PDE5A: variants seen among roughly 807,000 people sequenced by gnomAD.
PDE5A encodes the protein phosphodiesterase 5A, also known as cGMP-specific 3',5'-cyclic phosphodiesterase.
Under a neutral mutation model 110.2 loss-of-function variants are expected in PDE5A, and 67 were observed. The ratio of observed to expected loss-of-function variants is 0.61; its 90% CI spans 0.50 to 0.75. PDE5A has a LOEUF of 0.75. PDE5A is among the 30% of genes least tolerant of loss of function. The pLI, the probability that PDE5A is intolerant of heterozygous loss-of-function variation, is 0.00. For missense variants in PDE5A, 862 were observed against 1,045.1 expected (o/e 0.82, Z 2.42); for synonymous variants, 328 against 351.2 (o/e 0.93, Z 0.74).
At chr4:119,609,177 A>C (rs534829351) in intron 1 of PDE5A, among the ~76,000 whole-genome samples, 61 of 152,324 alleles carry the variant, frequency 4.0e-4, no homozygotes, top group African/African-American at 1.4e-3. Context: ...AAAAAATAAA[A>C]AAAAATAGGC....
At position 119,525,609 on chromosome 4, in the gene PDE5A, C is replaced by A; in HGVS notation, c.1719G>T (p.Leu573=). 6.2e-7 allele frequency: 1 copy of A among 1,613,258 alleles called. No homozygotes were observed. Among genetic ancestry groups the A allele is most frequent in the Non-Finnish European group, 8.5e-7 (1 of 1,179,484 alleles). The change falls in exon 12 of 21, where the codon CTG becomes CTT. Residue 573 remains leucine (L), a synonymous_variant. Transcript: ENST00000354960. The surrounding 1 kb of genome is among the most constrained non-coding windows in gnomAD (Gnocchi z 4.3). ...GGTCAGTAAACATCCGAATTGTACACAGTGCTGTTTCCAGATCAGACAGCT... is the reference window on the plus strand; with the variant it reads ...GGTCAGTAAACATCCGAATTGTACAAAGTGCTGTTTCCAGATCAGACAGCT... The part of the protein sequence containing the change: ...DFELSDLETA[L]CTIRMFTDLN...
At chr4:119,509,309 A>T (rs1320869539) in intron 15 of PDE5A, among the ~76,000 whole-genome samples, 1 of 152,048 alleles carries the variant, frequency 6.6e-6, no homozygotes, top group Admixed American at 6.6e-5. Context: ...TTAAAGATGG[A>T]CAAAAACAAT....
chr4:119,544,086 T>C (rs1011562364), intron 9 of PDE5A, among the ~76,000 whole-genome samples: 2 of 152,198 alleles, frequency 1.3e-5, no homozygotes, highest in East Asian at 3.8e-4. Context: ...ATGAAGACTA[T>C]AATAGTCTAT....
chr4:119,586,331 A>G (rs1215341478), intron 3 of PDE5A, among the ~76,000 whole-genome samples: 1 of 152,196 alleles, frequency 6.6e-6, no homozygotes, highest in East Asian at 1.9e-4. Context: ...CCATTCTATG[A>G]TCAAAAGCAA....
At chr4:119,625,295 C>G (rs1004566355) in intron 1 of PDE5A, among the ~76,000 whole-genome samples, 4 of 152,158 alleles carry the variant, frequency 2.6e-5, no homozygotes, top group African/African-American at 9.7e-5. Context: ...CCGTGCCAGG[C>G]CCAACCTATA....
At chr4:119,580,536 G>A (rs1728553982) in intron 3 of PDE5A, among the ~76,000 whole-genome samples, 1 of 152,170 alleles carries the variant, frequency 6.6e-6, no homozygotes, top group Non-Finnish European at 1.5e-5. Context: ...CTCATAAGGA[G>A]GAAATGGACA....
chr4:119,620,437 A>G (rs1448400950), intron 1 of PDE5A, among the ~76,000 whole-genome samples: 1 of 152,226 alleles, frequency 6.6e-6, no homozygotes, highest in Non-Finnish European at 1.5e-5. Flanking sequence ...TTTTCTGTAC[A>G]TTCACAACAC....
Position 119,567,150 on chromosome 4 carries a change from A to G in PDE5A, c.832-6T>C, listed in dbSNP as rs760690554. ...GCCTGGGCTACACCAACAACCTGGTATAAGGAGAGAAAAGCGACAATTTTT... is the reference window on the plus strand; with the variant it reads ...GCCTGGGCTACACCAACAACCTGGTGTAAGGAGAGAAAAGCGACAATTTTT... On this transcript the variant is annotated splice_region_variant and splice_polypyrimidine_tract_variant and intron_variant, in intron 3 of 20. Transcript: ENST00000354960. 6.2e-7 allele frequency: 1 copy of G among 1,607,978 alleles called. No homozygotes were observed. Among genetic ancestry groups the G allele is most frequent in the Admixed American group, 1.7e-5 (1 of 59,624 alleles).
intron 3 of PDE5A, among the ~76,000 whole-genome samples, chr4:119,569,231 AGGTCTCACTATGCCCAGGCT>A (rs990729503): frequency 4.0e-4 from 61 of 151,962 alleles, no homozygotes; most frequent in African/African-American, 1.4e-3. Flanking sequence ...TGTAGAGATG[AGGTCTCACTATGCCCAGGCT>A]GGTCTCACTA....
intron 15 of PDE5A, among the ~76,000 whole-genome samples, chr4:119,509,979 G>A (rs1193511416): frequency 6.6e-6 from 1 of 151,984 alleles, no homozygotes; most frequent in Non-Finnish European, 1.5e-5. Context: ...TGTTAAGAAT[G>A]TTTTGATGTT....
Position 119,552,553 on chromosome 4 carries a change from TA to T in PDE5A, c.1392del (p.Ile465Ter). On this transcript the variant is annotated frameshift_variant, in exon 9 of 21. Transcript: ENST00000354960. LOFTEE classifies it high-confidence loss of function. Reference sequence around the variant, plus strand: ...TAGGTTAAAGGAAAGGTTTTACCTATAACTTTATTCTTCTTTCCATTTTTTA... The same window carrying T: ...TAGGTTAAAGGAAAGGTTTTACCTATACTTTATTCTTCTTTCCATTTTTTA... The part of the protein sequence containing the change: ...TPIKNGKKNK[V>X]IGVCQLVNKM... The T allele has an allele frequency of 7.0e-7, 1 of 1,420,336 alleles. No homozygotes were observed. The highest frequency in any genetic ancestry group is 9.5e-7 in the Non-Finnish European group (1 of 1,052,532). The allele number at this position is 1,420,336 out of a possible 1,614,324, so 88.0% of individuals were successfully genotyped here.
chr4:119,550,270 C>G (rs1462301974), intron 9 of PDE5A: 1 of 152,170 alleles, frequency 6.6e-6, no homozygotes, highest in Non-Finnish European at 1.5e-5. Flanking sequence ...TCTCCAAAAT[C>G]TACATTTGCC....
intron 3 of PDE5A, among the ~76,000 whole-genome samples, chr4:119,595,855 A>G (rs1729133939): frequency 6.6e-6 from 1 of 152,192 alleles, no homozygotes; most frequent in Non-Finnish European, 1.5e-5. Flanking sequence ...GGAGAACCCC[A>G]ATTAATACAA....
At chr4:119,622,516 A>G (rs536291438) in intron 1 of PDE5A, among the ~76,000 whole-genome samples, 1 of 152,326 alleles carries the variant, frequency 6.6e-6, no homozygotes, top group African/African-American at 2.4e-5. Context: ...AAATCTAACA[A>G]TGGTACATAA....
In PDE5A at chr4:119,628,688, C is replaced by T; in HGVS notation, c.-17G>A. 6.2e-7 allele frequency: 1 copy of T among 1,609,364 alleles called. No homozygotes were observed. Among genetic ancestry groups the T allele is most frequent in the Non-Finnish European group, 8.5e-7 (1 of 1,179,712 alleles). ...CCGCTCCATGGTTGGCACCGCGCGC[C>T]TCGGAGGCTCTCTGGTACTGCTTTT... is the stretch of plus-strand genomic sequence containing the variant. On this transcript the variant is annotated 5_prime_UTR_variant, in exon 1 of 21. Transcript: ENST00000354960.
intron 3 of PDE5A, among the ~76,000 whole-genome samples, chr4:119,568,440 T>C (rs915763072): frequency 6.6e-6 from 1 of 152,184 alleles, no homozygotes; most frequent in African/African-American, 2.4e-5. Flanking sequence ...TTGGTTATTT[T>C]AAATGCTCAG....
chr4:119,553,778 T>C, intron 7 of PDE5A, 32 bp from the exon 8 acceptor site: 1 of 1,116,676 alleles, frequency 9.0e-7, no homozygotes, highest in Non-Finnish European at 1.4e-6. Flanking sequence ...GTTCCCTCTG[T>C]GCAGTTAAAA....
intron 3 of PDE5A, among the ~76,000 whole-genome samples, chr4:119,578,794 T>C (rs1335133326): frequency 1.3e-5 from 2 of 152,106 alleles, no homozygotes; most frequent in Non-Finnish European, 2.9e-5. Flanking sequence ...ACTTCATGTC[T>C]AAAACACCAA....
In PDE5A at chr4:119,564,086, G is replaced by A. The variant is rs574020521; in HGVS notation, c.994-1116C>T. The stretch of plus-strand genomic sequence containing the variant: ...AAAGCAAATATAAATAATCTGAAAA[G>A]CTTATAGACACATAGACAAAAATAG... On this transcript the variant is annotated intron_variant, in intron 5 of 20. Coordinates refer to ENST00000354960, the MANE Select transcript of PDE5A (RefSeq NM_001083.4). Among the ~76,000 whole-genome samples the A allele has an allele frequency of 3.3e-5, 5 of 151,498 alleles. No homozygotes were observed. In the South Asian group the frequency reaches 1.0e-3, roughly 32 times the overall value.
Sources: allele counts gnomAD v4.1 joint callset (sites outside exome capture counted in the v4.1 genomes callset), GRCh38; gene constraint gnomAD v4.1.1; non-coding constraint Gnocchi (gnomAD v3.1); transcripts MANE v1.5; gene names NCBI Gene and HGNC (gene_info 2026-07-23, HGNC 2026-07-21).